TRPM8: variants seen among roughly 807,000 people sequenced by gnomAD.
TRPM8 encodes the protein transient receptor potential cation channel subfamily M member 8.
TRPM8 carries 110 observed loss-of-function variants against 133.7 expected under a neutral mutation model. That is an observed-to-expected ratio of 0.82 (90% CI 0.70 to 0.96). The LOEUF (loss-of-function observed/expected upper bound fraction) is 0.96, where lower values mean the gene tolerates loss of function less well. Among genes scored for constraint, TRPM8 ranks in the 40% least tolerant of loss-of-function variants. TRPM8 has a pLI of 0.00. For synonymous variants in TRPM8, 535 were observed against 532.3 expected (o/e 1.01, Z -0.07); for missense variants, 1,291 against 1,379.5 (o/e 0.94, Z 1.02).
chr2:233,918,765 T>G (rs1415879048), intron 1 of TRPM8, among the ~76,000 whole-genome samples: 1 of 152,208 alleles, frequency 6.6e-6, no homozygotes, highest in Non-Finnish European at 1.5e-5. Context: ...GAGGCACAGA[T>G]GCCTAGTGAC....
At chr2:234,008,815 T>A (rs537138926) in intron 24 of TRPM8, among the ~76,000 whole-genome samples, 17 of 152,218 alleles carry the variant, frequency 1.1e-4, no homozygotes, top group Non-Finnish European at 2.2e-4. Flanking sequence ...AATAAATGTT[T>A]ATTGAATGAA....
intron 17 of TRPM8, 80 bp downstream of exon 17, chr2:233,970,506 G>A (rs1271901952): frequency 7.3e-7 from 1 of 1,365,728 alleles, no homozygotes; most frequent in African/African-American, 1.4e-5. Flanking sequence ...AATAGAAGTT[G>A]CTTCTGAAGT....
intron 22 of TRPM8, among the ~76,000 whole-genome samples, chr2:234,005,927 TACACACACACACACACACACAC>T (rs35379195): frequency 7.4e-6 from 1 of 136,008 alleles, no homozygotes; most frequent in Non-Finnish European, 1.6e-5. Flanking sequence ...AAACGTCATC[TACACACACACACACACACACAC>T]ACACACACAC....
At chr2:233,968,712 CCTT>C (rs1160602304) in intron 15 of TRPM8, among the ~76,000 whole-genome samples, 3 of 151,920 alleles carry the variant, frequency 2.0e-5, no homozygotes, top group Non-Finnish European at 2.9e-5. Flanking sequence ...ACACCAAACT[CCTT>C]CTGCTTGACG....
intron 18 of TRPM8, 96 bp downstream of exon 18, chr2:233,980,375 A>G (rs531287996): frequency 1.3e-6 from 1 of 769,674 alleles, no homozygotes; most frequent in African/African-American, 1.8e-5. Context: ...GAAGTCTATT[A>G]CTCATTAGAG....
At chr2:233,936,824 C>T (rs1690754426) in intron 3 of TRPM8, among the ~76,000 whole-genome samples, 1 of 151,880 alleles carries the variant, frequency 6.6e-6, no homozygotes, top group Admixed American at 6.6e-5. Context: ...AGCACAGAGC[C>T]AGCTTGTTCA....
At chr2:233,949,071 G>T (rs867263274) in intron 8 of TRPM8, among the ~76,000 whole-genome samples, 19 of 152,104 alleles carry the variant, frequency 1.2e-4, no homozygotes, top group African/African-American at 4.3e-4. Flanking sequence ...AAAATACCCA[G>T]TTGGTGCCTC....
At chr2:233,970,942 C>T (rs575531226) in intron 17 of TRPM8, among the ~76,000 whole-genome samples, 8 of 152,214 alleles carry the variant, frequency 5.3e-5, no homozygotes, top group South Asian at 4.1e-4. Context: ...TTTTTGGCGT[C>T]GTCTCTCTAC....
intron 6 of TRPM8, 101 bp from the exon 7 acceptor site, chr2:233,945,755 T>C: frequency 9.1e-7 from 1 of 1,104,030 alleles, no homozygotes. Context: ...CATAATGTGA[T>C]TGAACCCAAA....
At position 233,926,514 on chromosome 2, in the gene TRPM8, C is replaced by G; in HGVS notation, c.-5-19C>G. ...TACTGTTTGTAACCCAAACTTATCC[C>G]CTCCAACCATCGTCACAGAAAAGAT... On this transcript the variant is annotated intron_variant, in intron 1 of 25. Transcript: ENST00000324695. The G allele has an allele frequency of 6.3e-7, 1 of 1,591,074 alleles. No homozygotes were observed. The highest frequency in any genetic ancestry group is 8.6e-7 in the Non-Finnish European group (1 of 1,159,186).
intron 18 of TRPM8, among the ~76,000 whole-genome samples, chr2:233,981,141 T>C (rs1691997072): frequency 6.6e-6 from 1 of 152,238 alleles, no homozygotes; most frequent in Non-Finnish European, 1.5e-5. Flanking sequence ...TTTACACTTA[T>C]ACAGAATGAG....
At position 233,960,812 on chromosome 2, in the gene TRPM8, A is replaced by G. The variant is rs201369256; in HGVS notation, c.1399A>G (p.Ile467Val). The change falls in exon 12 of 26, where the codon ATA becomes GTA. Residue 467 changes from isoleucine (I) to valine (V), a missense_variant. Physicochemically the swap from Ile to Val is conservative, Grantham distance 29. Around this residue, in one of 2 missense-constraint regions of TRPM8, gnomAD observed 963 missense variants for 968.9 expected, o/e 0.99. Coordinates refer to ENST00000324695, the MANE Select transcript of TRPM8 (RefSeq NM_024080.5). Reference sequence around the variant, plus strand: ...TCAAGAAGTCATGTTTACGGCTCTCATAAAGGACAGACCCAAGTTTGTCCG... The same window carrying G: ...TCAAGAAGTCATGTTTACGGCTCTCGTAAAGGACAGACCCAAGTTTGTCCG... The part of the protein sequence containing the change: ...DLQEVMFTAL[I>V]KDRPKFVRLF... 1.9e-6 allele frequency: 3 copies of G among 1,614,020 alleles called. No homozygotes were observed. The highest frequency in any genetic ancestry group is 1.6e-4 in the Middle Eastern group (1 of 6,062).
chr2:233,942,839 GAGCC>G lies in TRPM8; in HGVS notation c.699+98_699+101del. On this transcript the variant is annotated intron_variant, in intron 6 of 25. Coordinates refer to ENST00000324695, the MANE Select transcript of TRPM8 (RefSeq NM_024080.5). ...GCCTGAACCCTGGGGCTCTGTGATG[GAGCC>G]AGCCAGATCATGGGGAAGTCTGCCT... 2.0e-6 allele frequency: 3 copies of G among 1,479,458 alleles called. 1 individual carries two copies. In the South Asian group the frequency reaches 3.4e-5, roughly 17 times the overall value. The allele number at this position is 1,479,458 out of a possible 1,614,324, so 91.6% of individuals were successfully genotyped here. A position where few individuals can be genotyped will look rare whatever the true frequency, so the allele number is the denominator to read the frequency against.
intron 11 of TRPM8, among the ~76,000 whole-genome samples, chr2:233,959,639 G>A (rs73120762): frequency 1.2e-4 from 18 of 152,030 alleles, no homozygotes; most frequent in African/African-American, 4.4e-4. Flanking sequence ...AGATTTTAAT[G>A]CTGGAAATGT....
intron 21 of TRPM8, among the ~76,000 whole-genome samples, chr2:233,994,014 T>C (rs534676760): frequency 6.6e-6 from 1 of 152,308 alleles, no homozygotes; most frequent in East Asian, 1.9e-4. Flanking sequence ...AAATACAACA[T>C]TGCTTAAAGT....
chr2:233,939,761 C>G (rs925597233), intron 5 of TRPM8, among the ~76,000 whole-genome samples: 9 of 152,204 alleles, frequency 5.9e-5, no homozygotes, highest in Admixed American at 5.2e-4. Flanking sequence ...CATTTCCCCA[C>G]GTTTGTCTCA....
At chr2:234,008,035 C>A in intron 23 of TRPM8, 35 bp from the exon 24 acceptor site, 1 of 1,602,638 alleles carries the variant, frequency 6.2e-7, no homozygotes, top group South Asian at 1.1e-5. Flanking sequence ...CTGTTTTTCT[C>A]TTGTTCACTT....
chr2:233,985,601 C>T (rs1003282569), intron 20 of TRPM8, 87 bp from the exon 21 acceptor site: 42 of 1,308,704 alleles, frequency 3.2e-5, no homozygotes, highest in Middle Eastern at 2.0e-4. Flanking sequence ...TTCATGACCA[C>T]TGACATGTTC....
At position 233,949,968 on chromosome 2, in the gene TRPM8, A is replaced by G. The variant is rs748371274; in HGVS notation, c.962A>G (p.Lys321Arg). 4 of 1,613,976 alleles carry G rather than the reference A, an allele frequency of 2.5e-6. No homozygotes were observed. The highest frequency in any genetic ancestry group is 2.2e-5 in the East Asian group (1 of 44,886). Residue 321 changes from lysine to arginine, a missense_variant, in exon 9 of 26, where the codon AAA becomes AGA. Transcript: ENST00000324695. ...ETLKAINTSI[K>R]NKIPCVVVEG... ...CTCCAGGCCATCAATACCTCCATCAAAAATAAAATTCCTTGTGTGGTGGTG... is the reference window on the plus strand; with the variant it reads ...CTCCAGGCCATCAATACCTCCATCAGAAATAAAATTCCTTGTGTGGTGGTG...
Sources: allele counts gnomAD v4.1 joint callset (sites outside exome capture counted in the v4.1 genomes callset), GRCh38; gene constraint gnomAD v4.1.1; regional missense constraint gnomAD v4.1.1; transcripts MANE v1.5; gene names NCBI Gene and HGNC (gene_info 2026-07-23, HGNC 2026-07-21).